TTYH3: variants seen among roughly 807,000 people sequenced by gnomAD.
TTYH3 encodes protein tweety homolog 3.
In TTYH3, 23 loss-of-function variants were observed where a neutral mutation model predicts 68.2. The ratio of observed to expected loss-of-function variants is 0.34; its 90% CI spans 0.24 to 0.48. The LOEUF is 0.48. Ranked by LOEUF, TTYH3 falls within the 20% of genes least tolerant of loss-of-function variation. TTYH3 has a pLI of 0.99. For synonymous variants in TTYH3, 360 were observed against 332.8 expected (o/e 1.08, Z -0.89); for missense variants, 768 against 727.7 (o/e 1.06, Z -0.64).
intron 1 of TTYH3, among the ~76,000 whole-genome samples, chr7:2,642,244 T>A (rs1011847628): frequency 2.0e-5 from 3 of 151,220 alleles, no homozygotes; most frequent in Admixed American, 2.0e-4. Context: ...AAAATTTTTT[T>A]AAAAATTAGG....
At chr7:2,642,537 C>CAAAA (rs34165282) in intron 1 of TTYH3, among the ~76,000 whole-genome samples, 51 of 56,226 alleles carry the variant, frequency 9.1e-4, no homozygotes, top group South Asian at 1.5e-3. Context: ...GACTCTGTCT[C>CAAAA]AAAAAAAAAA....
intron 1 of TTYH3, among the ~76,000 whole-genome samples, chr7:2,637,615 G>A (rs1785714544): frequency 1.3e-5 from 2 of 152,164 alleles, no homozygotes; most frequent in Admixed American, 6.5e-5. Context: ...CTGAGGCCTC[G>A]GCTAGAGAAG....
intron 1 of TTYH3, among the ~76,000 whole-genome samples, chr7:2,632,850 G>A (rs959342084): frequency 1.3e-5 from 2 of 152,240 alleles, no homozygotes; most frequent in Non-Finnish European, 2.9e-5. Context: ...CTCTGTGGCC[G>A]GTAATGACCC....
intron 12 of TTYH3, 130 bp from the exon 13 acceptor site, chr7:2,658,810 G>T (rs1786409863): frequency 2.2e-6 from 2 of 907,770 alleles, no homozygotes; most frequent in Non-Finnish European, 3.5e-6. Context: ...ACTGTGCTGG[G>T]TTCGTGGGAC....
At chr7:2,660,149 G>C (rs531874134) in intron 13 of TTYH3, 25 of 1,188,520 alleles carry the variant, frequency 2.1e-5, no homozygotes, top group South Asian at 1.1e-4. Flanking sequence ...GGCTCCATCT[G>C]TCCGGCTCCT....
intron 1 of TTYH3, among the ~76,000 whole-genome samples, chr7:2,634,082 C>T (rs1785594692): frequency 6.6e-6 from 1 of 152,206 alleles, no homozygotes; most frequent in South Asian, 2.1e-4. Flanking sequence ...GACTCACTCT[C>T]TCTCCTGCCT....
rs891943365 is a variant in TTYH3, at chr7:2,632,382, T to TC, written c.123+111dup. ...TCCCCGAGGGCCTAAAGACCCCTCATCCCCCCCTCCAGGGTCACGGCCACC... is the reference window on the plus strand; with the variant it reads ...TCCCCGAGGGCCTAAAGACCCCTCATCCCCCCCCTCCAGGGTCACGGCCACC... On this transcript the variant is annotated intron_variant, in intron 1 of 13. Transcript: ENST00000258796. The TC allele has an allele frequency of 3.6e-5, 43 of 1,192,538 alleles. 1 individual carries two copies. In the East Asian group the frequency reaches 1.2e-3, roughly 33 times the overall value. The allele number at this position is 1,192,538 out of a possible 1,614,324, so 73.9% of individuals were successfully genotyped here.
intron 6 of TTYH3, 75 bp downstream of exon 6, chr7:2,649,714 C>T: frequency 6.6e-7 from 1 of 1,520,730 alleles, no homozygotes; most frequent in East Asian, 2.4e-5. Flanking sequence ...AAGCCACACT[C>T]CTCTCCCCTC....
chr7:2,646,960 G>T lies in TTYH3; in HGVS notation c.231G>T (p.Glu77Asp). The T allele has an allele frequency of 1.3e-6, 2 of 1,598,708 alleles. No individual in the cohort carries two copies. Among genetic ancestry groups the T allele is most frequent in the South Asian group, 1.1e-5 (1 of 89,664 alleles). Residue 77 changes from glutamate (E) to aspartate (D), a missense_variant, in exon 2 of 14, where the codon GAG (glutamate) becomes GAT (aspartate). Physicochemically the swap from Glu to Asp is conservative, Grantham distance 45 (BLOSUM62 2). Coordinates refer to ENST00000258796, the MANE Select transcript of TTYH3 (RefSeq NM_025250.3). ...GCTGCCGGCGGCGCAAGAGCGAGGA[G>T]CACCTGGACGCCGACTGCTGCTGCA... ...WLCCRRRKSE[E>D]HLDADCCCTA... is the part of the protein sequence containing the mutation.
chr7:2,658,475 C>T lies in TTYH3; in HGVS notation c.1424+16C>T, dbSNP rs754212183. The T allele has an allele frequency of 6.3e-7, 1 of 1,595,076 alleles. No individual in the cohort carries two copies. The highest frequency in any genetic ancestry group is 1.7e-5 in the Admixed American group (1 of 59,102). On this transcript the variant is annotated intron_variant, in intron 12 of 13. Coordinates refer to ENST00000258796, the MANE Select transcript of TTYH3 (RefSeq NM_025250.3). ...CTGAGTACATGTGAGTTGACGTGGG[C>T]CTAGTGGGGCCAGCGGACACGTCAG...
At chr7:2,657,638 C>T (rs953818719) in intron 11 of TTYH3, among the ~76,000 whole-genome samples, 12 of 152,178 alleles carry the variant, frequency 7.9e-5, no homozygotes, top group South Asian at 6.2e-4. Flanking sequence ...CCACCCTGGG[C>T]CTCAATTTCC....
rs1176070666 is a variant in TTYH3, at chr7:2,632,008, C to A, written c.-148C>A. The A allele has an allele frequency of 1.4e-5, 8 of 582,520 alleles. No homozygotes were observed. Among genetic ancestry groups the A allele is most frequent in the Non-Finnish European group, 1.5e-5 (7 of 456,898 alleles). The allele number at this position is 582,520 out of a possible 1,614,324, so 36.1% of individuals were successfully genotyped here. On this transcript the variant is annotated 5_prime_UTR_variant, in exon 1 of 14. Coordinates refer to ENST00000258796, the MANE Select transcript of TTYH3 (RefSeq NM_025250.3). ...CGAGCGGAGCCGAGCGCAGCCGAGCCGGGCCGAGCCGGGCCGGGCCGGGCC... is the reference window on the plus strand; with the variant it reads ...CGAGCGGAGCCGAGCGCAGCCGAGCAGGGCCGAGCCGGGCCGGGCCGGGCC...
chr7:2,649,817 G>T, intron 6 of TTYH3, 96 bp from the exon 7 acceptor site: 1 of 1,495,248 alleles, frequency 6.7e-7, no homozygotes, highest in Non-Finnish European at 9.2e-7. Flanking sequence ...ACCCTCCTGA[G>T]TTGAAAGCAG....
chr7:2,635,224 G>C (rs1785626777), intron 1 of TTYH3, among the ~76,000 whole-genome samples: 1 of 152,186 alleles, frequency 6.6e-6, no homozygotes, highest in Admixed American at 6.5e-5. Context: ...TGCATAGTGA[G>C]TCCTGAATGT....
chr7:2,654,753 T>C (rs565007761), intron 9 of TTYH3, among the ~76,000 whole-genome samples: 2 of 152,178 alleles, frequency 1.3e-5, no homozygotes, highest in Admixed American at 6.5e-5. Flanking sequence ...TCTGTGGGTG[T>C]CTGTGTCTTG....
At position 2,661,899 on chromosome 7, in the gene TTYH3, GCA is replaced by G; in HGVS notation, c.*163_*164del. The G allele has an allele frequency of 7.9e-6, 6 of 761,704 alleles. No individual in the cohort carries two copies. The African/African-American group carries it at 1.0e-4, about 13-fold the overall frequency. 47.2% of individuals were successfully genotyped at this position (761,704 alleles called of 1,614,324 possible). On this transcript the variant is annotated 3_prime_UTR_variant, in exon 14 of 14. Transcript: ENST00000258796. ...GCCCTCCTGTCCCCTCCCCGCAGGG[GCA>G]CAGTGGAGACGCAGGGGCTCTGGGC...
chr7:2,649,775 A>G, intron 6 of TTYH3, 136 bp downstream of exon 6: 1 of 1,414,902 alleles, frequency 7.1e-7, no homozygotes, highest in Non-Finnish European at 9.8e-7. Context: ...CACCATGGGC[A>G]CAGTCCACCT....
chr7:2,647,686 C>T, intron 4 of TTYH3, 48 bp downstream of exon 4: 1 of 1,524,708 alleles, frequency 6.6e-7, no homozygotes, highest in South Asian at 1.2e-5. Flanking sequence ...GAAAGCATCA[C>T]CCTCCTTGGG....
chr7:2,647,589 G>A lies in TTYH3; in HGVS notation c.577G>A (p.Val193Met). ...AAIPFWRNTA[V>M]SLEVLAEQVD... ...CATCCCCTTTTGGAGGAACACGGCG[G>A]TGTCGCTGGAGGTGCTGGCGGAGCA... Residue 193 changes from valine (V) to methionine (M), a missense_variant, in exon 4 of 14, where the codon GTG becomes ATG. Val to Met is a conservative substitution (Grantham distance 21). Transcript: ENST00000258796. 6.3e-7 allele frequency: 1 copy of A among 1,574,880 alleles called. No homozygotes were observed. Among genetic ancestry groups the A allele is most frequent in the South Asian group, 1.2e-5 (1 of 85,578 alleles).
Sources: allele counts gnomAD v4.1 joint callset (sites outside exome capture counted in the v4.1 genomes callset), GRCh38; gene constraint gnomAD v4.1.1; transcripts MANE v1.5; gene names NCBI Gene and HGNC (gene_info 2026-07-23, HGNC 2026-07-21).